Variants in FBLN2 observed in about 807,000 individuals in gnomAD.
The protein encoded by FBLN2 is fibulin 2, also known as fibulin-2.
In FBLN2, 81 loss-of-function variants were observed where a neutral mutation model predicts 123.7. The observed-to-expected ratio is 0.65, with a 90% CI of 0.55 to 0.79. The LOEUF (loss-of-function observed/expected upper bound fraction) is 0.79. Ranked by LOEUF, FBLN2 falls within the 30% of genes least tolerant of loss-of-function variation. The pLI, the probability that FBLN2 is intolerant of heterozygous loss-of-function variation, is 0.00. For synonymous variants in FBLN2, 699 were observed against 701.4 expected, an observed-to-expected ratio of 1.00 and a Z score of 0.05; for missense variants, 1,603 against 1,681.3, an observed-to-expected ratio of 0.95 and a Z score of 0.81.
At position 13,627,919 on chromosome 3, in the gene FBLN2, G is replaced by T. The variant is rs761534164; in HGVS notation, c.2519G>T (p.Arg840Met). 6.2e-7 allele frequency: 1 copy of T among 1,613,886 alleles called. No individual in the cohort carries two copies. Among genetic ancestry groups the T allele is most frequent in the Non-Finnish European group, 8.5e-7 (1 of 1,179,844 alleles). The stretch of plus-strand genomic sequence containing the variant: ...AAGGGCTCCTTCTACTGCCAGGCCA[G>T]GCAGCGCTGCATGGATGGCTTCCTG... ...NTKGSFYCQA[R>M]QRCMDGFLQD... is the part of the protein sequence containing the mutation. Residue 840 changes from arginine (R) to methionine (M), a missense_variant, in exon 11 of 18, where the codon AGG becomes ATG. By Grantham distance (91) the Arg-to-Met change is moderately conservative. Coordinates refer to ENST00000404922, the MANE Select transcript of FBLN2 (RefSeq NM_001004019.2).
intron 4 of FBLN2, among the ~76,000 whole-genome samples, chr3:13,613,385 A>G (rs1375537691): frequency 6.6e-6 from 1 of 152,226 alleles, no homozygotes; most frequent in East Asian, 1.9e-4. Context: ...AAATAAAACC[A>G]ATTTATTTTT....
chr3:13,621,911 C>T lies in FBLN2; in HGVS notation c.2292C>T (p.Cys764=), dbSNP rs373727437. ...DGYILNAHRK[C]VDINECVTDL... The stretch of plus-strand genomic sequence containing the variant: ...ATATCCTCAATGCGCACAGGAAGTG[C>T]GTGGGTAAGCCAGGGCCCCGCCTGC... Residue 764 remains cysteine, a synonymous_variant, in exon 9 of 18, where the codon TGC becomes TGT. Transcript: ENST00000404922. The T allele has an allele frequency of 2.1e-5, 34 of 1,611,948 alleles. No individual in the cohort carries two copies. The African/African-American group carries it at 3.1e-4, about 15-fold the overall frequency.
At chr3:13,598,093 C>T (rs982800274) in intron 2 of FBLN2, among the ~76,000 whole-genome samples, 3 of 152,208 alleles carry the variant, frequency 2.0e-5, no homozygotes, top group Non-Finnish European at 2.9e-5. Flanking sequence ...AAAGAGGAGG[C>T]AGGGTAGGCG....
In FBLN2 at chr3:13,584,107, G is replaced by A. The variant is rs572836005; in HGVS notation, c.1306+12446G>A. On this transcript the variant is annotated intron_variant, in intron 2 of 17. Transcript: ENST00000404922. ...CAGTCGCTCCTGCTGTTGCCCTGGGGCCGTGGAGGCCTGGCATGGTCCAAG... is the reference window on the plus strand; with the variant it reads ...CAGTCGCTCCTGCTGTTGCCCTGGGACCGTGGAGGCCTGGCATGGTCCAAG... Among the ~76,000 whole-genome samples the A allele has an allele frequency of 1.1e-4, 16 of 152,350 alleles. No homozygotes were observed. The South Asian group carries it at 3.1e-3, about 30-fold the overall frequency.
chr3:13,567,245 A>C (rs1020434529), intron 1 of FBLN2, among the ~76,000 whole-genome samples: 2 of 152,178 alleles, frequency 1.3e-5, no homozygotes, highest in Admixed American at 6.5e-5. Flanking sequence ...AAGTTCTAGG[A>C]CAGCCCTGTG....
At position 13,630,819 on chromosome 3, in the gene FBLN2, C is replaced by T. The variant is rs780941320; in HGVS notation, c.3085+4C>T. 1 of 1,588,418 alleles carries T rather than the reference C, an allele frequency of 6.3e-7. No homozygotes were observed. The highest frequency in any genetic ancestry group is 1.1e-5 in the South Asian group (1 of 87,466). ...GAGGATGGGCACACCTGCACAGGTA[C>T]CTCTCCCCTGTCCAAGGGCCCCCTT... On this transcript the variant is annotated splice_donor_region_variant and intron_variant, in intron 15 of 17. Transcript: ENST00000404922.
chr3:13,559,565 A>G (rs1703552644), intron 1 of FBLN2, among the ~76,000 whole-genome samples: 2 of 152,152 alleles, frequency 1.3e-5, no homozygotes, highest in Non-Finnish European at 2.9e-5. Context: ...TGCAAGGGGA[A>G]TGGGAAGTGC....
Position 13,638,000 on chromosome 3 carries a change from T to G in FBLN2, c.*81T>G, listed in dbSNP as rs1559432139. Reference sequence around the variant, plus strand: ...GGAGGGACTGGGTCACTATTGTGGTTTTTACTATAACTTTGTAAATTAACT... The same window carrying G: ...GGAGGGACTGGGTCACTATTGTGGTGTTTACTATAACTTTGTAAATTAACT... On this transcript the variant is annotated 3_prime_UTR_variant, in exon 18 of 18. Transcript: ENST00000404922. 7.8e-7 allele frequency: 1 copy of G among 1,283,410 alleles called. No homozygotes were observed. 79.5% of individuals were successfully genotyped at this position (1,283,410 alleles called of 1,614,324 possible). A position where few individuals can be genotyped will look rare whatever the true frequency, so the allele number is the denominator to read the frequency against.
At chr3:13,621,007 G>A (rs2124897088) in intron 8 of FBLN2, among the ~76,000 whole-genome samples, 1 of 152,376 alleles carries the variant, frequency 6.6e-6, no homozygotes, top group African/African-American at 2.4e-5. Flanking sequence ...CCAGGGCCCT[G>A]AAGATGTAAG....
In FBLN2 at chr3:13,618,164, T is replaced by C. The variant is rs1201431376; in HGVS notation, c.1818T>C (p.Asp606=). 1.2e-6 allele frequency: 2 copies of C among 1,613,602 alleles called. No individual in the cohort carries two copies. The highest frequency in any genetic ancestry group is 8.5e-7 in the Non-Finnish European group (1 of 1,179,898). The change falls in exon 6 of 18, where the codon GAT becomes GAC. Residue 606 remains aspartate (D), a synonymous_variant. Coordinates refer to ENST00000404922, the MANE Select transcript of FBLN2 (RefSeq NM_001004019.2). ...LPNSLPGDDQ[D]ECLLLPGELC... is the part of the protein sequence containing the mutation. ...ACAGCCTGCCGGGCGATGACCAGGA[T>C]GAGTGCCTTCTCCTCCCGGGAGAGC...
intron 2 of FBLN2, among the ~76,000 whole-genome samples, chr3:13,605,601 C>T (rs1008516917): frequency 6.6e-6 from 1 of 152,168 alleles, no homozygotes; most frequent in Admixed American, 6.5e-5. Flanking sequence ...ATCCTCCCCC[C>T]CAGTGATGGA....
At chr3:13,564,777 C>T (rs1391109585) in intron 1 of FBLN2, among the ~76,000 whole-genome samples, 1 of 152,236 alleles carries the variant, frequency 6.6e-6, no homozygotes. Flanking sequence ...TTCCAGTGTC[C>T]TCGCCAGCCC....
chr3:13,593,003 A>G (rs1439046195), intron 2 of FBLN2, among the ~76,000 whole-genome samples: 1 of 152,210 alleles, frequency 6.6e-6, no homozygotes, highest in Non-Finnish European at 1.5e-5. Flanking sequence ...AGCCCGGACT[A>G]CAGAGTCCCA....
intron 4 of FBLN2, among the ~76,000 whole-genome samples, chr3:13,610,415 G>A (rs1705352622): frequency 6.6e-6 from 1 of 152,186 alleles, no homozygotes; most frequent in Admixed American, 6.5e-5. Context: ...GGATTGGGAT[G>A]GGGTAAAACC....
At chr3:13,606,930 G>A (rs1705224833) in intron 2 of FBLN2, among the ~76,000 whole-genome samples, 1 of 152,190 alleles carries the variant, frequency 6.6e-6, no homozygotes, top group Non-Finnish European at 1.5e-5. Context: ...TGGGATTACA[G>A]GCATGAGCCA....
chr3:13,559,694 T>A (rs1006378387), intron 1 of FBLN2, among the ~76,000 whole-genome samples: 3 of 152,188 alleles, frequency 2.0e-5, no homozygotes, highest in Non-Finnish European at 4.4e-5. Context: ...CAGAGCTTGG[T>A]TCATTATGTG....
chr3:13,611,387 A>G (rs1705387237), intron 4 of FBLN2, among the ~76,000 whole-genome samples: 1 of 152,154 alleles, frequency 6.6e-6, no homozygotes, highest in African/African-American at 2.4e-5. Context: ...GAACTTTCTT[A>G]TCTTCTCAAG....
chr3:13,614,177 C>T lies in FBLN2; in HGVS notation c.1729+13C>T, dbSNP rs1042770077. On this transcript the variant is annotated intron_variant, in intron 5 of 17. Coordinates refer to ENST00000404922, the MANE Select transcript of FBLN2 (RefSeq NM_001004019.2). ...GCACCACGGAGAGGTGAGTGCTGCT[C>T]TTCCCTGGCTGCGGCATATAGGGCG... 1.1e-5 allele frequency: 17 copies of T among 1,607,010 alleles called. No individual in the cohort carries two copies. Among genetic ancestry groups the T allele is most frequent in the African/African-American group, 1.3e-5 (1 of 74,892 alleles).
At chr3:13,564,770 C>G (rs78191838) in intron 1 of FBLN2, among the ~76,000 whole-genome samples, 1 of 152,238 alleles carries the variant, frequency 6.6e-6, no homozygotes, top group Non-Finnish European at 1.5e-5. Flanking sequence ...CTTGACCTTC[C>G]AGTGTCCTCG....
Sources: allele counts gnomAD v4.1 joint callset (sites outside exome capture counted in the v4.1 genomes callset), GRCh38; gene constraint gnomAD v4.1.1; transcripts MANE v1.5; gene names NCBI Gene and HGNC (gene_info 2026-07-23, HGNC 2026-07-21).